Variants in LDB2 observed in about 807,000 individuals in gnomAD.
LDB2 encodes LIM domain binding 2.
In LDB2, 12 loss-of-function variants were observed where a neutral mutation model predicts 44.3. The observed-to-expected ratio is 0.27, with a 90% CI of 0.17 to 0.44. The LOEUF (loss-of-function observed/expected upper bound fraction) is 0.44, where lower values mean the gene tolerates loss of function less well. Among genes scored for constraint, LDB2 ranks in the 20% least tolerant of loss-of-function variants. The pLI is 1.00. For synonymous variants in LDB2, 164 were observed against 174.8 expected (o/e 0.94, Z 0.49); for missense variants, 344 against 473.5 (o/e 0.73, Z 2.54).
rs558830742 is a variant in LDB2, at chr4:16,832,178, G to A, written c.132+66176C>T. On this transcript the variant is annotated intron_variant, in intron 1 of 7. Transcript: ENST00000304523. ...TTCATTACATGTTTGCTATGTTCTG[G>A]GTATTGTGGAAGGCACTTTACACAT... 1.1e-4 allele frequency among the ~76,000 whole-genome samples: 17 copies of A among 152,232 alleles called. 1 individual carries two copies. The South Asian group carries it at 3.5e-3, about 32-fold the overall frequency.
intron 2 of LDB2, among the ~76,000 whole-genome samples, chr4:16,667,625 C>T (rs755378630): frequency 1.3e-5 from 2 of 152,328 alleles, no homozygotes; most frequent in African/African-American, 2.4e-5. Flanking sequence ...ATCTCAATTT[C>T]GCTCATCTGC....
chr4:16,527,100 C>T (rs1161637478), intron 5 of LDB2, among the ~76,000 whole-genome samples: 6 of 152,130 alleles, frequency 3.9e-5, no homozygotes, highest in Admixed American at 2.6e-4. Context: ...AACTGGGCAT[C>T]TTGTATTTTA....
At chr4:16,592,298 G>A (rs898029385) in intron 3 of LDB2, among the ~76,000 whole-genome samples, 3 of 151,970 alleles carry the variant, frequency 2.0e-5, no homozygotes, top group Admixed American at 6.6e-5. Flanking sequence ...TAGCTTCGAT[G>A]AAATCAAGTG....
rs1714902194 is a variant in LDB2 at position 16,582,107 on chromosome 4, G to A, written c.615+3815C>T. 6.6e-6 allele frequency among the ~76,000 whole-genome samples: 1 copy of A among 152,120 alleles called. No individual in the cohort carries two copies. Among genetic ancestry groups the A allele is most frequent in the African/African-American group, 2.4e-5 (1 of 41,408 alleles). On this transcript the variant is annotated intron_variant, in intron 5 of 7. Coordinates refer to ENST00000304523, the MANE Select transcript of LDB2 (RefSeq NM_001290.5). The surrounding 1 kb of genome is among the most constrained non-coding windows in gnomAD (Gnocchi z 4.8). ...CAGCAATGCCTGGCACATAGTAAGT[G>A]CCCCAGAAATGTTAGCTAGTGCTAT...
chr4:16,814,892 T>C (rs148799110), intron 1 of LDB2, among the ~76,000 whole-genome samples: 68 of 152,328 alleles, frequency 4.5e-4, no homozygotes, highest in African/African-American at 1.6e-3. Context: ...ACCTTTCTTT[T>C]TCGAACTTGC....
At chr4:16,623,918 A>G (rs555491519) in intron 2 of LDB2, among the ~76,000 whole-genome samples, 2 of 152,348 alleles carry the variant, frequency 1.3e-5, no homozygotes, top group South Asian at 4.1e-4. Flanking sequence ...TCAGATTCCT[A>G]TAATTCTGAA....
intron 2 of LDB2, among the ~76,000 whole-genome samples, chr4:16,627,769 T>C (rs1433290695): frequency 6.6e-6 from 1 of 152,162 alleles, no homozygotes; most frequent in Non-Finnish European, 1.5e-5. Context: ...AGCAATAAAA[T>C]AGAACATGAG....
intron 2 of LDB2, among the ~76,000 whole-genome samples, chr4:16,707,603 A>G (rs1754890845): frequency 2.0e-5 from 3 of 152,046 alleles, no homozygotes; most frequent in South Asian, 4.1e-4. Flanking sequence ...CCAGTACACC[A>G]ATATACCATG....
At chr4:16,782,486 T>G (rs1436673982) in intron 1 of LDB2, among the ~76,000 whole-genome samples, 2 of 151,798 alleles carry the variant, frequency 1.3e-5, no homozygotes, top group Non-Finnish European at 2.9e-5. Context: ...AGGTAGCTGG[T>G]ATTACAGGTG....
chr4:16,777,038 G>A (rs1032500284), intron 1 of LDB2, among the ~76,000 whole-genome samples: 1 of 152,058 alleles, frequency 6.6e-6, no homozygotes, highest in Non-Finnish European at 1.5e-5. Flanking sequence ...TGGGTCAGGC[G>A]GACAAAATTG....
chr4:16,638,269 G>A (rs1734159126), intron 2 of LDB2, among the ~76,000 whole-genome samples: 1 of 152,158 alleles, frequency 6.6e-6, no homozygotes, highest in African/African-American at 2.4e-5. Flanking sequence ...GTACTTCCTG[G>A]CTTCCTACTC....
At chr4:16,587,851 C>T (rs1334310710) in intron 4 of LDB2, among the ~76,000 whole-genome samples, 1 of 152,072 alleles carries the variant, frequency 6.6e-6, no homozygotes, top group Non-Finnish European at 1.5e-5. Context: ...AACTCTCTGC[C>T]TGACTGTGAG....
Position 16,747,796 on chromosome 4 carries a change from C to T in LDB2, c.235+11362G>A, listed in dbSNP as rs149770230. Among the ~76,000 whole-genome samples, 1,183 of 152,142 alleles carry T rather than the reference C, an allele frequency of 7.8e-3. 17 individuals are homozygous for T. The highest frequency in any genetic ancestry group is 0.027 in the African/African-American group (1,111 of 41,510). On this transcript the variant is annotated intron_variant, in intron 2 of 7. Transcript: ENST00000304523. Reference sequence around the variant, plus strand: ...TCGGAATATGAGAGTAACATGGAGACACCATGTGTGTCTATGAGGAAATAC... The same window carrying T: ...TCGGAATATGAGAGTAACATGGAGATACCATGTGTGTCTATGAGGAAATAC...
At chr4:16,790,097 A>G (rs1579686009) in intron 1 of LDB2, among the ~76,000 whole-genome samples, 3 of 152,340 alleles carry the variant, frequency 2.0e-5, no homozygotes, top group African/African-American at 7.2e-5. Context: ...AAGGTCTACA[A>G]TGAATAACAG....
chr4:16,693,528 G>T (rs1751362706), intron 2 of LDB2, among the ~76,000 whole-genome samples: 1 of 152,006 alleles, frequency 6.6e-6, no homozygotes, highest in Non-Finnish European at 1.5e-5. Context: ...GCCAATTTTT[G>T]TAGTTTTTAG....
chr4:16,566,686 CAA>C (rs1013289230), intron 5 of LDB2, among the ~76,000 whole-genome samples: 1 of 151,910 alleles, frequency 6.6e-6, no homozygotes, highest in African/African-American at 2.4e-5. Flanking sequence ...CAAACAAAAA[CAA>C]AAATATTCAA....
At chr4:16,672,732 A>G (rs1472940076) in intron 2 of LDB2, among the ~76,000 whole-genome samples, 1 of 152,124 alleles carries the variant, frequency 6.6e-6, no homozygotes, top group African/African-American at 2.4e-5. Flanking sequence ...GGTCAGGAAA[A>G]TCACAAACAA....
intron 1 of LDB2, among the ~76,000 whole-genome samples, chr4:16,866,678 C>T (rs1714804857): frequency 6.6e-6 from 1 of 152,116 alleles, no homozygotes; most frequent in African/African-American, 2.4e-5. Flanking sequence ...GGGAGCTGGA[C>T]ATAGGGAAAA....
intron 1 of LDB2, among the ~76,000 whole-genome samples, chr4:16,819,752 A>G (rs1024804514): frequency 1.3e-5 from 2 of 152,238 alleles, no homozygotes; most frequent in Non-Finnish European, 2.9e-5. Flanking sequence ...GCAGCGATCT[A>G]GGGATTCAAG....
Sources: allele counts gnomAD v4.1 joint callset (sites outside exome capture counted in the v4.1 genomes callset), GRCh38; gene constraint gnomAD v4.1.1; non-coding constraint Gnocchi (gnomAD v3.1); transcripts MANE v1.5; gene names NCBI Gene and HGNC (gene_info 2026-07-23, HGNC 2026-07-21).